SNX14: variants seen among roughly 807,000 people sequenced by gnomAD.
The protein encoded by SNX14 is sorting nexin 14, also known as sorting nexin-14.
A neutral mutation model predicts 133.8 loss-of-function variants in SNX14; 93 were observed. The observed-to-expected ratio is 0.70, with a 90% confidence interval of 0.59 to 0.83. The LOEUF is 0.83. Among genes scored for constraint, SNX14 ranks in the 40% least tolerant of loss-of-function variants. The probability of loss-of-function intolerance (pLI) is 0.00; values close to 1 mark genes in which losing one functional copy is unlikely to be tolerated. For synonymous variants in SNX14, 368 were observed against 365.6 expected (o/e 1.01, Z -0.07); for missense variants, 945 against 1,094.9 (o/e 0.86, Z 1.93).
intron 7 of SNX14, among the ~76,000 whole-genome samples, chr6:85,555,674 T>C (rs565146724): frequency 1.3e-5 from 2 of 152,262 alleles, no homozygotes; most frequent in South Asian, 2.1e-4. Context: ...TCAAAATCCA[T>C]AGAATGCACA....
chr6:85,517,606 C>G lies in SNX14; in HGVS notation c.2268+150G>C, dbSNP rs558297078. 25 of 831,180 alleles carry G rather than the reference C, an allele frequency of 3.0e-5. No individual in the cohort carries two copies. The South Asian group carries it at 6.6e-4, about 22-fold the overall frequency. The allele number at this position is 831,180 out of a possible 1,614,324, so 51.5% of individuals were successfully genotyped here. On this transcript the variant is annotated intron_variant, in intron 23 of 28. Transcript: ENST00000314673. Reference sequence around the variant, plus strand: ...GAACCAAGTAATTACACACAATACCCTCTGTATACCGTTCAACTGATTTCC... The same window carrying G: ...GAACCAAGTAATTACACACAATACCGTCTGTATACCGTTCAACTGATTTCC...
chr6:85,549,603 A>T, intron 8 of SNX14, 120 bp downstream of exon 8: 1 of 661,048 alleles, frequency 1.5e-6, no homozygotes, highest in East Asian at 3.6e-5. Flanking sequence ...AAATTTTTTC[A>T]AATGAAAAGC....
At chr6:85,555,508 C>T (rs1451671303) in intron 7 of SNX14, among the ~76,000 whole-genome samples, 5 of 152,144 alleles carry the variant, frequency 3.3e-5, no homozygotes, top group African/African-American at 1.2e-4. Context: ...ATATAACATT[C>T]TGGAAACGTC....
chr6:85,530,247 G>T lies in SNX14; in HGVS notation c.1839C>A (p.Val613=). The T allele has an allele frequency of 1.2e-6, 2 of 1,602,002 alleles. No homozygotes were observed. Among genetic ancestry groups the T allele is most frequent in the South Asian group, 2.2e-5 (2 of 89,450 alleles). The part of the protein sequence containing the change: ...AVGHEPEHWS[V]YRRYLEFYVL... ...CATAGAATTCAAGATATCTTCTATA[G>T]ACAGACCAATGTTCAGGCTCGTGTC... The change falls in exon 19 of 29, where the codon GTC becomes GTA. Residue 613 remains valine, a synonymous_variant. Transcript: ENST00000314673.
In SNX14 at chr6:85,517,814, G is replaced by A. The variant is rs1216381653; in HGVS notation, c.2210C>T (p.Pro737Leu). 6.2e-7 allele frequency: 1 copy of A among 1,611,514 alleles called. No individual in the cohort carries two copies. Among genetic ancestry groups the A allele is most frequent in the South Asian group, 1.1e-5 (1 of 90,252 alleles). The change falls in exon 23 of 29, where the codon CCT (proline) becomes CTT (leucine). Residue 737 changes from proline to leucine, a missense_variant. Physicochemically the swap from Pro to Leu is moderately conservative, Grantham distance 98. Transcript: ENST00000314673. ...NFINSCESPK[P>L]KPSRPELTIL... is the part of the protein sequence containing the mutation. ...GGTCAGTTCTGGTCTACTTGGTTTA[G>A]GCTTTGGAGACTCACAAGAATTAAT...
chr6:85,551,692 T>C (rs1294001087), intron 7 of SNX14, among the ~76,000 whole-genome samples: 2 of 152,222 alleles, frequency 1.3e-5, no homozygotes, highest in Non-Finnish European at 2.9e-5. Context: ...AAAGTCTCTT[T>C]ACTCTCAAAT....
chr6:85,590,423 T>C (rs967599277), intron 1 of SNX14, among the ~76,000 whole-genome samples: 2 of 152,350 alleles, frequency 1.3e-5, no homozygotes, highest in African/African-American at 2.4e-5. Context: ...GTAGCCATTC[T>C]TTTATTCTTT....
intron 5 of SNX14, 43 bp downstream of exon 5, chr6:85,567,490 AT>A: frequency 7.5e-7 from 1 of 1,340,800 alleles, no homozygotes; most frequent in Non-Finnish European, 1.0e-6. Context: ...ACTTAATAGT[AT>A]TCACTGTATC....
At chr6:85,513,028 C>A (rs927172224) in intron 26 of SNX14, among the ~76,000 whole-genome samples, 1 of 152,150 alleles carries the variant, frequency 6.6e-6, no homozygotes, top group African/African-American at 2.4e-5. Context: ...ACACATGGCT[C>A]CCATATCTCT....
chr6:85,542,487 C>T (rs535531257), intron 14 of SNX14, among the ~76,000 whole-genome samples: 9 of 152,138 alleles, frequency 5.9e-5, no homozygotes, highest in African/African-American at 9.7e-5. Context: ...CTCCGCCTCC[C>T]GGGTTGATGC....
Position 85,571,571 on chromosome 6 carries a change from T to G in SNX14, c.417+566A>C, listed in dbSNP as rs149981200. On this transcript the variant is annotated intron_variant, in intron 4 of 28. Coordinates refer to ENST00000314673, the MANE Select transcript of SNX14 (RefSeq NM_153816.6). Reference sequence around the variant, plus strand: ...ACTTGGTGCTAGGAACAAATGAGACTCCATTCCTTGCCTTCAAGGACTTGA... The same window carrying G: ...ACTTGGTGCTAGGAACAAATGAGACGCCATTCCTTGCCTTCAAGGACTTGA... 9.2e-5 allele frequency among the ~76,000 whole-genome samples: 14 copies of G among 152,254 alleles called. No homozygotes were observed. In the East Asian group the frequency reaches 1.7e-3, roughly 19 times the overall value.
At chr6:85,564,388 G>A (rs1377561451) in intron 6 of SNX14, among the ~76,000 whole-genome samples, 10 of 152,174 alleles carry the variant, frequency 6.6e-5, no homozygotes, top group Non-Finnish European at 1.0e-4. Context: ...AGTCCCACCA[G>A]CAGTGTAAAA....
In SNX14 at chr6:85,554,050, G is replaced by C. The variant is rs116962252; in HGVS notation, c.634+3926C>G. Among the ~76,000 whole-genome samples the C allele has an allele frequency of 5.1e-4, 78 of 152,136 alleles. 1 individual carries two copies. In the East Asian group the frequency reaches 0.015, roughly 29 times the overall value. ...ACGGGGAATATAAGCAAAACAGAGT[G>C]CTGGAATACAGAGCATGGATTAATC... On this transcript the variant is annotated intron_variant, in intron 7 of 28. Coordinates refer to ENST00000314673, the MANE Select transcript of SNX14 (RefSeq NM_153816.6).
At chr6:85,574,716 T>A (rs1465855478) in intron 1 of SNX14, among the ~76,000 whole-genome samples, 2 of 152,136 alleles carry the variant, frequency 1.3e-5, no homozygotes, top group African/African-American at 4.8e-5. Flanking sequence ...TTTCACTACA[T>A]CAAAAAAATT....
Position 85,574,287 on chromosome 6 carries a change from T to C in SNX14, c.232A>G (p.Ile78Val). ...GGTTTGTATTTTATTGTGAAGAATA[T>C]ATTTGGTAAGAGAGAATCAGGTCCT... ...SLGPDSLLPNIFFTIKYKPKQ... is the reference protein window; with the variant it reads ...SLGPDSLLPNVFFTIKYKPKQ... Residue 78 changes from isoleucine (I) to valine (V), a missense_variant, in exon 2 of 29, where the codon ATA (isoleucine) becomes GTA (valine). Ile to Val is a conservative substitution (Grantham distance 29). Around this residue, in one of 3 missense-constraint regions of SNX14, gnomAD observed 514 missense variants for 538.8 expected, o/e 0.95. Transcript: ENST00000314673. 1.3e-6 allele frequency: 2 copies of C among 1,593,510 alleles called. 1 individual carries two copies. Among genetic ancestry groups the C allele is most frequent in the Non-Finnish European group, 1.7e-6 (2 of 1,165,176 alleles).
intron 7 of SNX14, among the ~76,000 whole-genome samples, chr6:85,552,954 G>A (rs1582873157): frequency 6.6e-6 from 1 of 152,312 alleles, no homozygotes. Flanking sequence ...CTCACTTCAA[G>A]ATATCCCCGC....
intron 15 of SNX14, among the ~76,000 whole-genome samples, chr6:85,539,225 G>A (rs1187550332): frequency 6.6e-6 from 1 of 152,126 alleles, no homozygotes; most frequent in Non-Finnish European, 1.5e-5. Flanking sequence ...AAATAATTCT[G>A]TCTTTTCTTT....
Position 85,543,192 on chromosome 6 carries a change from T to C in SNX14, c.1379A>G (p.His460Arg). 3 of 1,554,474 alleles carry C rather than the reference T, an allele frequency of 1.9e-6. No individual in the cohort carries two copies. The highest frequency in any genetic ancestry group is 2.4e-5 in the East Asian group (1 of 42,460). ...AATATTTTGACTTACCTCATCACTATGGCAGAACATAGGAGTAAATACATT... is the reference window on the plus strand; with the variant it reads ...AATATTTTGACTTACCTCATCACTACGGCAGAACATAGGAGTAAATACATT... ...LENVFTPMFCHSDEYFRQLLR... is the reference protein window; with the variant it reads ...LENVFTPMFCRSDEYFRQLLR... The change falls in exon 14 of 29, where the codon CAT (histidine) becomes CGT (arginine). Residue 460 changes from histidine (H) to arginine (R), a missense_variant. By Grantham distance (29) the His-to-Arg change is conservative. Coordinates refer to ENST00000314673, the MANE Select transcript of SNX14 (RefSeq NM_153816.6).
intron 4 of SNX14, 195 bp from the exon 5 acceptor site, chr6:85,567,772 C>T (rs922414366): frequency 5.6e-6 from 2 of 357,508 alleles, no homozygotes; most frequent in African/African-American, 2.2e-5. Context: ...GGCTTTAGCT[C>T]ACGAGTTTGA....
Sources: allele counts gnomAD v4.1 joint callset (sites outside exome capture counted in the v4.1 genomes callset), GRCh38; gene constraint gnomAD v4.1.1; regional missense constraint gnomAD v4.1.1; transcripts MANE v1.5; gene names NCBI Gene and HGNC (gene_info 2026-07-23, HGNC 2026-07-21).